Variants in CPA4 observed in about 807,000 individuals in gnomAD.
CPA4 encodes the protein carboxypeptidase A4, also known as carboxypeptidase A3.
A neutral mutation model predicts 54.7 loss-of-function variants in CPA4; 49 were observed. That is an observed-to-expected ratio of 0.90 (90% CI 0.71 to 1.14). The LOEUF (loss-of-function observed/expected upper bound fraction) is 1.14, where lower values mean the gene tolerates loss of function less well. CPA4 is among the 50% of genes most tolerant of loss of function. The pLI is 0.00. For synonymous variants in CPA4, 215 were observed against 206.8 expected (o/e 1.04, Z -0.34); for missense variants, 487 against 525.1 (o/e 0.93, Z 0.71).
At chr7:130,308,246 G>A (rs1158712386) in intron 7 of CPA4, 61 bp from the exon 8 acceptor site, 28 of 1,415,332 alleles carry the variant, frequency 2.0e-5, no homozygotes, top group Non-Finnish European at 2.4e-5. Flanking sequence ...CTCCACCCTA[G>A]CCCTCTTCGG....
chr7:130,306,505 C>T (rs1305630412), intron 6 of CPA4, among the ~76,000 whole-genome samples: 3 of 152,170 alleles, frequency 2.0e-5, no homozygotes, highest in African/African-American at 7.2e-5. Context: ...TGGCTCCCTC[C>T]TCCTGGAAGG....
At chr7:130,322,258 G>T (rs1006736569) in intron 10 of CPA4, among the ~76,000 whole-genome samples, 1 of 152,184 alleles carries the variant, frequency 6.6e-6, no homozygotes, top group African/African-American at 2.4e-5. Context: ...TAGTAATAAG[G>T]TGGGAGTAGG....
intron 10 of CPA4, among the ~76,000 whole-genome samples, chr7:130,312,874 T>C (rs1793935132): frequency 6.6e-6 from 1 of 152,158 alleles, no homozygotes; most frequent in Admixed American, 6.5e-5. Context: ...GGAATATCTC[T>C]GATCAGAGCG....
At chr7:130,309,559 C>T (rs1239921424) in intron 8 of CPA4, among the ~76,000 whole-genome samples, 2 of 152,184 alleles carry the variant, frequency 1.3e-5, no homozygotes, top group African/African-American at 4.8e-5. Flanking sequence ...ACAGAAGTGC[C>T]GACTGTGTAC....
rs370940170 is a variant in CPA4, at chr7:130,323,223, G to GT, written c.*560dup. On this transcript the variant is annotated 3_prime_UTR_variant, in exon 11 of 11. Coordinates refer to ENST00000222482, the MANE Select transcript of CPA4 (RefSeq NM_016352.4). ...AAGGTCTCTCCCTCCCTCCTCTCCT[G>GT]TTTTTTTTTTTTTGAGACAGAGTTT... is the stretch of plus-strand genomic sequence containing the variant. 0.15 allele frequency: 21,048 copies of GT among 144,144 alleles called. 1,776 individuals are homozygous for GT. Among genetic ancestry groups the GT allele is most frequent in the Middle Eastern group, 0.25 (68 of 272 alleles). 8.9% of individuals were successfully genotyped at this position (144,144 alleles called of 1,614,324 possible).
At chr7:130,293,317 A>G (rs1793601164) in intron 1 of CPA4, 69 bp downstream of exon 1, 2 of 881,338 alleles carry the variant, frequency 2.3e-6, no homozygotes, top group Non-Finnish European at 3.9e-6. Flanking sequence ...CTGAAAATGA[A>G]TGGCTGATAA....
chr7:130,314,742 G>A (rs576674239), intron 10 of CPA4, among the ~76,000 whole-genome samples: 7 of 152,314 alleles, frequency 4.6e-5, no homozygotes, highest in East Asian at 3.9e-4. Flanking sequence ...CCTCGAAGCC[G>A]TAGGTCCCAT....
chr7:130,301,687 C>A (rs534106577), intron 4 of CPA4, among the ~76,000 whole-genome samples: 2 of 152,128 alleles, frequency 1.3e-5, no homozygotes, highest in Non-Finnish European at 2.9e-5. Flanking sequence ...TTTCACAAGG[C>A]GTATACTTTG....
At chr7:130,303,988 C>A (rs945631276) in intron 4 of CPA4, among the ~76,000 whole-genome samples, 1 of 151,804 alleles carries the variant, frequency 6.6e-6, no homozygotes, top group Admixed American at 6.6e-5. Context: ...TTTAAAATTT[C>A]TTTCTTTCCT....
chr7:130,313,655 C>T (rs2117156761), intron 10 of CPA4, among the ~76,000 whole-genome samples: 1 of 152,200 alleles, frequency 6.6e-6, no homozygotes, highest in South Asian at 2.1e-4. Flanking sequence ...ACACCTAAGG[C>T]CTCCATCAAA....
At position 130,323,733 on chromosome 7, in the gene CPA4, ATCTGTCCTAATGGGCTTACC is replaced by A; in HGVS notation, c.*1060_*1079del. On this transcript the variant is annotated 3_prime_UTR_variant, in exon 11 of 11. Transcript: ENST00000222482. ...ATTGCAGGATGGTGAAATTATCCCC[ATCTGTCCTAATGGGCTTACC>A]TCCTCTTTGCCTTTTGAACTCACTT... The A allele has an allele frequency of 6.6e-6, 1 of 152,328 alleles. No homozygotes were observed. The highest frequency in any genetic ancestry group is 2.4e-5 in the African/African-American group (1 of 41,558). The allele number at this position is 152,328 out of a possible 1,614,324, so 9.4% of individuals were successfully genotyped here.
intron 10 of CPA4, among the ~76,000 whole-genome samples, chr7:130,314,510 C>T (rs748044626): frequency 2.6e-5 from 4 of 152,278 alleles, no homozygotes; most frequent in South Asian, 2.1e-4. Context: ...GGAAGAGCTG[C>T]GTAAGCTGAG....
At chr7:130,305,152 C>T (rs1793800032) in intron 5 of CPA4, among the ~76,000 whole-genome samples, 2 of 152,184 alleles carry the variant, frequency 1.3e-5, no homozygotes, top group Non-Finnish European at 2.9e-5. Context: ...CCATGGAACA[C>T]CAATGGTGCT....
intron 6 of CPA4, 74 bp downstream of exon 6, chr7:130,305,994 C>A: frequency 1.6e-6 from 2 of 1,278,980 alleles, no homozygotes; most frequent in Admixed American, 1.7e-5. Context: ...GTGGCTGGGC[C>A]TGGGGCACGA....
intron 9 of CPA4, among the ~76,000 whole-genome samples, chr7:130,311,457 C>A (rs1273598936): frequency 6.6e-6 from 1 of 152,152 alleles, no homozygotes; most frequent in Admixed American, 6.5e-5. Flanking sequence ...TCACAGCCAG[C>A]CCTTAAACCT....
intron 10 of CPA4, among the ~76,000 whole-genome samples, chr7:130,317,546 T>G (rs1794008459): frequency 6.6e-6 from 1 of 152,208 alleles, no homozygotes; most frequent in Non-Finnish European, 1.5e-5. Context: ...CACTGCAGCC[T>G]CGACTTCCCC....
chr7:130,303,018 T>C (rs536826438), intron 4 of CPA4, among the ~76,000 whole-genome samples: 2 of 152,352 alleles, frequency 1.3e-5, no homozygotes, highest in South Asian at 4.1e-4. Context: ...ATTTTCCTTG[T>C]ATTTTACCTG....
intron 1 of CPA4, among the ~76,000 whole-genome samples, chr7:130,298,327 T>C (rs890162339): frequency 2.0e-5 from 3 of 152,152 alleles, no homozygotes; most frequent in Non-Finnish European, 4.4e-5. Context: ...TCCTGTAAAA[T>C]ATATGTGTTT....
chr7:130,294,738 A>C (rs879264256), intron 1 of CPA4, among the ~76,000 whole-genome samples: 8 of 152,206 alleles, frequency 5.3e-5, no homozygotes, highest in Non-Finnish European at 1.0e-4. Context: ...TCTCATCCCC[A>C]AATCCATTCT....
Sources: allele counts gnomAD v4.1 joint callset (sites outside exome capture counted in the v4.1 genomes callset), GRCh38; gene constraint gnomAD v4.1.1; transcripts MANE v1.5; gene names NCBI Gene and HGNC (gene_info 2026-07-23, HGNC 2026-07-21).